RGS6: variants seen among roughly 807,000 people sequenced by gnomAD.
RGS6 encodes the protein regulator of G protein signaling 6.
RGS6 carries 30 observed loss-of-function variants against 78.5 expected under a neutral mutation model. The observed-to-expected ratio is 0.38, with a 90% CI of 0.29 to 0.52. The LOEUF is 0.52. RGS6 is among the 20% of genes least tolerant of loss of function. The pLI is 0.85. For missense variants in RGS6, 495 were observed against 609.7 expected, an observed-to-expected ratio of 0.81 and a Z score of 1.98; for synonymous variants, 206 against 206.0, an observed-to-expected ratio of 1.00 and a Z score of 0.00.
chr14:72,445,542 A>C (rs1397015584), intron 3 of RGS6, among the ~76,000 whole-genome samples: 1 of 151,724 alleles, frequency 6.6e-6, no homozygotes, highest in East Asian at 1.9e-4. Flanking sequence ...CCTCTAAGGC[A>C]GTGTTTGTAA....
Position 72,547,061 on chromosome 14 carries a change from A to AAGAAGG in RGS6, c.1422+6968_1422+6973dup, listed in dbSNP as rs572944633. The AAGAAGG allele has an allele frequency of 3.6e-3, 3,540 of 995,810 alleles. 19 individuals are homozygous for AAGAAGG. The highest frequency in any genetic ancestry group is 4.8e-3 in the Non-Finnish European group (3,235 of 672,220). 61.7% of individuals were successfully genotyped at this position (995,810 alleles called of 1,614,324 possible). ...CTGTGTGGGCTCCCACCTGCCTAGT[A>AAGAAGG]AGAAGGCAGAGAGTGAAGGGGAGTG... On this transcript the variant is annotated intron_variant, in intron 17 of 17. Coordinates refer to ENST00000553525, the MANE Select transcript of RGS6 (RefSeq NM_001204424.2).
chr14:71,880,862 C>T, the RGS6 span, among the ~76,000 whole-genome samples: 5 of 152,202 alleles, frequency 3.3e-5, no homozygotes, highest in East Asian at 5.8e-4. Context: ...CACTGTCCTC[C>T]AGACCCCAGA....
intron 2 of RGS6, among the ~76,000 whole-genome samples, chr14:72,218,778 A>AT (rs779866892): frequency 1.2e-4 from 18 of 151,972 alleles, no homozygotes; most frequent in Admixed American, 2.0e-4. Flanking sequence ...TGCCCAGCTA[A>AT]TTTTTGTATT....
chr14:72,286,408 C>G (rs796674772), intron 2 of RGS6, among the ~76,000 whole-genome samples: 3 of 152,146 alleles, frequency 2.0e-5, no homozygotes, highest in African/African-American at 7.2e-5. Context: ...TTTGATTACT[C>G]TAGGTTCGTT....
chr14:72,199,236 A>T (rs1044106554), intron 2 of RGS6, among the ~76,000 whole-genome samples: 1 of 152,260 alleles, frequency 6.6e-6, no homozygotes, highest in African/African-American at 2.4e-5. Context: ...TTTACATTAT[A>T]AACAGTGATG....
chr14:72,039,896 G>A (rs538198531), intron 2 of RGS6, among the ~76,000 whole-genome samples: 6 of 113,936 alleles, frequency 5.3e-5, no homozygotes, highest in Admixed American at 2.0e-4. Flanking sequence ...TTTTCTTTGC[G>A]GTTGCTATGG....
At chr14:72,624,324 C>T in the RGS6 span, among the ~76,000 whole-genome samples, 1 of 142,406 alleles carries the variant, frequency 7.0e-6, no homozygotes, top group African/African-American at 2.6e-5. Flanking sequence ...AGTTTTCCCA[C>T]CTATGTCTCT....
intron 3 of RGS6, among the ~76,000 whole-genome samples, chr14:72,410,528 C>T (rs1204978304): frequency 3.3e-5 from 5 of 152,186 alleles, no homozygotes; most frequent in Admixed American, 3.3e-4. Flanking sequence ...TGCCTGTTCA[C>T]TCTGATGGTG....
At chr14:72,582,201 T>G in the RGS6 span, among the ~76,000 whole-genome samples, 1 of 152,098 alleles carries the variant, frequency 6.6e-6, no homozygotes, top group Non-Finnish European at 1.5e-5. Flanking sequence ...TGCCACCATA[T>G]TGGGGATCAA....
chr14:72,322,102 C>T (rs1347632040), intron 2 of RGS6, among the ~76,000 whole-genome samples: 1 of 151,846 alleles, frequency 6.6e-6, no homozygotes, highest in East Asian at 1.9e-4. Flanking sequence ...TACGTAAGTA[C>T]TTAAATTAAT....
At chr14:71,982,101 C>T (rs992741285) in intron 2 of RGS6, among the ~76,000 whole-genome samples, 7 of 152,200 alleles carry the variant, frequency 4.6e-5, no homozygotes. Flanking sequence ...ACTCCCTGAC[C>T]CCTTGCGCTT....
intron 2 of RGS6, among the ~76,000 whole-genome samples, chr14:72,227,624 T>G (rs1811346465): frequency 6.6e-6 from 1 of 152,210 alleles, no homozygotes; most frequent in Non-Finnish European, 1.5e-5. Context: ...TCAAATACAG[T>G]ATTTTTAAAG....
intron 2 of RGS6, among the ~76,000 whole-genome samples, chr14:72,040,089 A>G (rs934354873): frequency 6.6e-6 from 1 of 151,994 alleles, no homozygotes; most frequent in African/African-American, 2.4e-5. Context: ...TTGCATATCC[A>G]TTTATAGAGT....
intron 2 of RGS6, among the ~76,000 whole-genome samples, chr14:72,344,256 A>C (rs911032340): frequency 6.6e-6 from 1 of 152,164 alleles, no homozygotes; most frequent in African/African-American, 2.4e-5. Context: ...CAATATTAAA[A>C]CTGTAAAAGT....
rs1182951139 is a variant in RGS6, at chr14:72,565,747, C to G, written c.*3280C>G. On this transcript the variant is annotated 3_prime_UTR_variant, in exon 18 of 18. Transcript: ENST00000553525. ...CACCAACAGGACGCTGAACCAGGAG[C>G]CTGCCACCCAACTGGCCCCCTTGGT... 1 of 152,288 alleles carries G rather than the reference C, an allele frequency of 6.6e-6. No homozygotes were observed. Among genetic ancestry groups the G allele is most frequent in the Non-Finnish European group, 1.5e-5 (1 of 68,130 alleles). The allele number at this position is 152,288 out of a possible 1,614,324, so 9.4% of individuals were successfully genotyped here. A position where few individuals can be genotyped will look rare whatever the true frequency, so the allele number is the denominator to read the frequency against.
chr14:72,275,668 A>G (rs1270829749), intron 2 of RGS6, among the ~76,000 whole-genome samples: 1 of 152,240 alleles, frequency 6.6e-6, no homozygotes, highest in Admixed American at 6.5e-5. Flanking sequence ...CATTCTGGGT[A>G]CAAGCATCCC....
At chr14:72,284,375 T>C (rs1222525261) in intron 2 of RGS6, among the ~76,000 whole-genome samples, 1 of 152,140 alleles carries the variant, frequency 6.6e-6, no homozygotes. Flanking sequence ...CCACCTGCTA[T>C]GTGCAGCTTA....
chr14:72,585,983 T>C, the RGS6 span, among the ~76,000 whole-genome samples: 1 of 152,178 alleles, frequency 6.6e-6, no homozygotes, highest in Non-Finnish European at 1.5e-5. Flanking sequence ...AATTGGAACA[T>C]AGTACTCTAC....
At chr14:72,150,766 C>T (rs1402661474) in intron 2 of RGS6, among the ~76,000 whole-genome samples, 2 of 152,106 alleles carry the variant, frequency 1.3e-5, no homozygotes, top group South Asian at 2.1e-4. Context: ...CACCTCCCAC[C>T]AGGCCCTCCT....
Sources: gnomAD v4.1 joint callset for allele counts (sites outside exome capture counted in the v4.1 genomes callset) on GRCh38, gnomAD v4.1.1 for gene constraint, MANE v1.5 for transcripts, NCBI Gene and HGNC (gene_info 2026-07-23, HGNC 2026-07-21) for gene names.